Variants in TEX14 observed in about 807,000 individuals in gnomAD.
The protein encoded by TEX14 is testis expressed 14, intercellular bridge forming factor, also known as inactive serine/threonine-protein kinase TEX14.
A neutral mutation model predicts 178.6 loss-of-function variants in TEX14; 168 were observed. The observed-to-expected ratio is 0.94, with a 90% CI of 0.83 to 1.07. The LOEUF (loss-of-function observed/expected upper bound fraction) is 1.07, where lower values mean the gene tolerates loss of function less well. Ranked by LOEUF, TEX14 falls within the 50% of genes least tolerant of loss-of-function variation. TEX14 has a pLI of 0.00. For synonymous variants in TEX14, 626 were observed against 634.1 expected (o/e 0.99, Z 0.19); for missense variants, 1,730 against 1,753.6 (o/e 0.99, Z 0.24).
At chr17:58,667,008 C>T (rs185875548) in intron 1 of TEX14, among the ~76,000 whole-genome samples, 1 of 152,184 alleles carries the variant, frequency 6.6e-6, no homozygotes, top group Non-Finnish European at 1.5e-5. Flanking sequence ...CTCCTGCTCG[C>T]GTCAATGCAA....
chr17:58,631,811 G>C (rs8070407), intron 2 of TEX14: 7 of 151,844 alleles, frequency 4.6e-5, no homozygotes, highest in Middle Eastern at 3.4e-3. Flanking sequence ...ACACACTATA[G>C]AAATTATCCC....
chr17:58,628,665 T>C (rs1486058261), intron 3 of TEX14, among the ~76,000 whole-genome samples: 2 of 151,302 alleles, frequency 1.3e-5, no homozygotes, highest in African/African-American at 2.4e-5. Context: ...TGAGCCGAGA[T>C]TGCGCCACTG....
chr17:58,620,065 G>T (rs914062262), intron 5 of TEX14, among the ~76,000 whole-genome samples: 3 of 152,038 alleles, frequency 2.0e-5, no homozygotes, highest in African/African-American at 7.3e-5. Context: ...CTGAGCTCTT[G>T]GAATTCACAA....
chr17:58,559,392 T>G, intron 30 of TEX14, 61 bp downstream of exon 30: 1 of 730,166 alleles, frequency 1.4e-6, no homozygotes, highest in South Asian at 1.8e-5. Context: ...TCTAAATAAC[T>G]TTGAAGCACA....
chr17:58,659,213 G>A (rs911127307), intron 1 of TEX14: 189 of 330,650 alleles, frequency 5.7e-4, no homozygotes, highest in Non-Finnish European at 7.6e-4. Context: ...TCTCATTCGG[G>A]GAAATCGCGG....
At chr17:58,653,211 C>T (rs2046876391) in intron 1 of TEX14, among the ~76,000 whole-genome samples, 1 of 152,232 alleles carries the variant, frequency 6.6e-6, no homozygotes, top group South Asian at 2.1e-4. Context: ...GCTGGGATTA[C>T]AGGCGTGAGC....
Position 58,569,810 on chromosome 17 carries a change from GTTAAAA to G in TEX14, c.3818-556_3818-551del. 6.6e-6 allele frequency among the ~76,000 whole-genome samples: 1 copy of G among 152,246 alleles called. No individual in the cohort carries two copies. Among genetic ancestry groups the G allele is most frequent in the African/African-American group, 2.4e-5 (1 of 41,552 alleles). ...AAGAGTTATACCAAAGACAGAAGAC[GTTAAAA>G]TTAAAGTAATAAAGGTAATATGCCT... On this transcript the variant is annotated intron_variant, in intron 25 of 31. Coordinates refer to ENST00000349033, the MANE Select transcript of TEX14 (RefSeq NM_031272.5). The surrounding 1 kb of genome is among the most constrained non-coding windows in gnomAD (Gnocchi z 4.1).
chr17:58,637,124 G>A (rs930542802), intron 2 of TEX14, among the ~76,000 whole-genome samples: 1 of 152,036 alleles, frequency 6.6e-6, no homozygotes, highest in Non-Finnish European at 1.5e-5. Flanking sequence ...CTACTTGGGA[G>A]GCTGAGCCAC....
chr17:58,615,974 T>C (rs1267315607), intron 7 of TEX14, among the ~76,000 whole-genome samples: 1 of 152,178 alleles, frequency 6.6e-6, no homozygotes, highest in East Asian at 1.9e-4. Flanking sequence ...CATTCTACAA[T>C]GCACAGGACT....
intron 10 of TEX14, among the ~76,000 whole-genome samples, chr17:58,607,153 T>A: frequency 6.6e-6 from 1 of 151,204 alleles, no homozygotes; most frequent in Non-Finnish European, 1.5e-5. Context: ...TTACCAAAAA[T>A]AAATGTGGGA....
chr17:58,661,819 G>A (rs1219550436), intron 1 of TEX14: 3 of 479,952 alleles, frequency 6.3e-6, no homozygotes, highest in Non-Finnish European at 7.3e-6. Context: ...TTGTCTCTCT[G>A]TTTCCGTTTC....
At chr17:58,663,368 G>C (rs2047151974) in intron 1 of TEX14, among the ~76,000 whole-genome samples, 1 of 143,668 alleles carries the variant, frequency 7.0e-6, no homozygotes, top group African/African-American at 2.6e-5. Flanking sequence ...GTTGCAGTAA[G>C]CCGAGATCAC....
At chr17:58,624,756 T>C (rs1282576502) in intron 3 of TEX14, among the ~76,000 whole-genome samples, 3 of 152,204 alleles carry the variant, frequency 2.0e-5, no homozygotes, top group Non-Finnish European at 4.4e-5. Context: ...CCATCTCCAT[T>C]CTTTTTAACA....
Position 58,585,935 on chromosome 17 carries a change from G to T in TEX14, c.2936C>A (p.Thr979Lys). 2 of 1,613,976 alleles carry T rather than the reference G, an allele frequency of 1.2e-6. No homozygotes were observed. The highest frequency in any genetic ancestry group is 1.7e-6 in the Non-Finnish European group (2 of 1,180,006). The change falls in exon 18 of 32, where the codon ACG becomes AAG. Residue 979 changes from threonine to lysine, a missense_variant. Coordinates refer to ENST00000349033, the MANE Select transcript of TEX14 (RefSeq NM_031272.5). ...LQPPIRSPEN[T>K]DWQRVIEYHR... ...ATACTCAATAACTCGCTGCCAATCC[G>T]TGTTTTCTGGGCTCCTAATGGGGGG...
intron 1 of TEX14, among the ~76,000 whole-genome samples, chr17:58,682,513 C>G (rs1404026864): frequency 3.3e-5 from 5 of 152,282 alleles, no homozygotes; most frequent in Non-Finnish European, 1.5e-5. Flanking sequence ...CTGCCTCAAC[C>G]TCCCAAAGTA....
intron 14 of TEX14, among the ~76,000 whole-genome samples, 171 bp downstream of exon 14, chr17:58,598,694 AACGTCAAACCC>A (rs1406959419): frequency 6.6e-6 from 1 of 152,108 alleles, no homozygotes. Context: ...GGTTAGGGGC[AACGTCAAACCC>A]AGCCCTGGGG....
chr17:58,681,710 G>T (rs1211609130), intron 1 of TEX14, among the ~76,000 whole-genome samples: 1 of 151,856 alleles, frequency 6.6e-6, no homozygotes, highest in Non-Finnish European at 1.5e-5. Flanking sequence ...ATATCTGGTG[G>T]TGTGCATCTG....
intron 8 of TEX14, 74 bp from the exon 9 acceptor site, chr17:58,613,618 G>C (rs1388458124): frequency 2.0e-6 from 3 of 1,464,188 alleles, no homozygotes; most frequent in Non-Finnish European, 2.8e-6. Flanking sequence ...TAGGCCTTTT[G>C]AACACATTCT....
intron 10 of TEX14, among the ~76,000 whole-genome samples, chr17:58,609,375 C>A (rs1213853325): frequency 6.6e-6 from 1 of 152,208 alleles, no homozygotes; most frequent in Non-Finnish European, 1.5e-5. Flanking sequence ...TCCCAAAGTG[C>A]TGGGATTACA....
Sources: allele counts gnomAD v4.1 joint callset (sites outside exome capture counted in the v4.1 genomes callset), GRCh38; gene constraint gnomAD v4.1.1; non-coding constraint Gnocchi (gnomAD v3.1); transcripts MANE v1.5; gene names NCBI Gene and HGNC (gene_info 2026-07-23, HGNC 2026-07-21).